The following RAB37 variants were observed in gnomAD, a reference collection of about 807,000 sequenced individuals.
RAB37 encodes RAB37, member RAS oncogene family.
A neutral mutation model predicts 33.1 loss-of-function variants in RAB37; 29 were observed. The observed-to-expected ratio is 0.88, with a 90% CI of 0.65 to 1.20. The LOEUF is 1.20. Ranked by LOEUF, RAB37 falls within the 50% of genes most tolerant of loss-of-function variation. The probability of loss-of-function intolerance (pLI) is 0.00; values close to 1 mark genes in which losing one functional copy is unlikely to be tolerated. For missense variants in RAB37, 299 were observed against 301.1 expected (o/e 0.99, Z 0.05); for synonymous variants, 128 against 119.5 (o/e 1.07, Z -0.47).
chr17:74,726,649 G>A (rs2034311015), intron 1 of RAB37, among the ~76,000 whole-genome samples: 1 of 152,172 alleles, frequency 6.6e-6, no homozygotes. Context: ...AGGTTCAGGA[G>A]GTGGGTGGGG....
upstream of RAB37, among the ~76,000 whole-genome samples, chr17:74,735,881 T>C (rs1029240129): frequency 1.3e-5 from 2 of 152,128 alleles, no homozygotes; most frequent in Non-Finnish European, 2.9e-5. Flanking sequence ...ATAAGCCACG[T>C]CTACCCCTGC....
intron 1 of RAB37, among the ~76,000 whole-genome samples, chr17:74,720,569 T>C (rs2144008794): frequency 6.6e-6 from 1 of 152,270 alleles, no homozygotes; most frequent in South Asian, 2.1e-4. Flanking sequence ...CCAGCCTGTG[T>C]GACAGACTGA....
intron 1 of RAB37, among the ~76,000 whole-genome samples, chr17:74,680,238 G>A (rs1423876930): frequency 1.3e-5 from 2 of 152,044 alleles, no homozygotes; most frequent in African/African-American, 4.8e-5. Flanking sequence ...TAGACAGGCA[G>A]AGGGATAGAG....
At chr17:74,714,062 T>G (rs2034115689) in intron 1 of RAB37, among the ~76,000 whole-genome samples, 1 of 151,502 alleles carries the variant, frequency 6.6e-6, no homozygotes, top group African/African-American at 2.4e-5. Flanking sequence ...AATACAAAAA[T>G]TAGCTGGGCG....
intron 1 of RAB37, among the ~76,000 whole-genome samples, chr17:74,713,899 C>CAAAAA (rs55993385): frequency 3.9e-5 from 2 of 51,206 alleles, no homozygotes; most frequent in Admixed American, 3.1e-4. Flanking sequence ...TTCATCTCCA[C>CAAAAA]AAAAAAAAAA....
chr17:74,712,746 G>T (rs1045059086), intron 1 of RAB37: 13 of 1,470,526 alleles, frequency 8.8e-6, no homozygotes, highest in Non-Finnish European at 1.1e-5. Flanking sequence ...CCTTCTGGCC[G>T]GGTCCCTTCT....
At chr17:74,719,126 A>G (rs1297518962) in intron 1 of RAB37, among the ~76,000 whole-genome samples, 1 of 152,196 alleles carries the variant, frequency 6.6e-6, no homozygotes, top group Non-Finnish European at 1.5e-5. Context: ...CAGCTCTGAA[A>G]TACCTCCAGT....
At chr17:74,743,013 A>G in intron 3 of RAB37, 116 bp from the exon 4 acceptor site, 1 of 879,320 alleles carries the variant, frequency 1.1e-6, no homozygotes, top group Non-Finnish European at 1.8e-6. Flanking sequence ...AACCTAAAGA[A>G]GAAAACAGCC....
chr17:74,720,989 T>C (rs1279263136), intron 1 of RAB37, among the ~76,000 whole-genome samples: 2 of 152,288 alleles, frequency 1.3e-5, no homozygotes, highest in Admixed American at 6.5e-5. Flanking sequence ...CATCTGAAGT[T>C]AAGCCGTGTC....
At chr17:74,707,288 C>T (rs6501732) in intron 1 of RAB37, among the ~76,000 whole-genome samples, 67,547 of 152,070 alleles carry the variant, frequency 0.44, 19,256 homozygotes, top group Non-Finnish European at 0.65. Context: ...AAATCAGTAA[C>T]AAGAAAACAA....
chr17:74,698,278 G>GT, intron 1 of RAB37: 2 of 918,008 alleles, frequency 2.2e-6, no homozygotes, highest in Non-Finnish European at 3.5e-6. Flanking sequence ...TCCTGATTGT[G>GT]TGGGTAATCC....
chr17:74,745,159 T>C lies in RAB37; in HGVS notation c.566+75T>C. 1 of 1,564,980 alleles carries C rather than the reference T, an allele frequency of 6.4e-7. No homozygotes were observed. The highest frequency in any genetic ancestry group is 8.8e-7 in the Non-Finnish European group (1 of 1,137,918). ...CAGGAATCCAGTAGGGCCCGGCCCCTGGCCCAGCCCCTGGACACACCTGCA... is the reference window on the plus strand; with the variant it reads ...CAGGAATCCAGTAGGGCCCGGCCCCCGGCCCAGCCCCTGGACACACCTGCA... On this transcript the variant is annotated intron_variant, in intron 8 of 8. Coordinates refer to ENST00000392613, the MANE Select transcript of RAB37 (RefSeq NM_001006638.3). This position sits in a 1 kb window ranked among gnomAD's most constrained non-coding sequence, Gnocchi z 4.5.
At chr17:74,717,154 A>G (rs894914481) in intron 1 of RAB37, among the ~76,000 whole-genome samples, 1 of 152,184 alleles carries the variant, frequency 6.6e-6, no homozygotes, top group African/African-American at 2.4e-5. Flanking sequence ...AATAAAATGA[A>G]ATAAAACAAA....
At chr17:74,696,659 CG>C (rs1269000380) in intron 1 of RAB37, among the ~76,000 whole-genome samples, 3 of 152,220 alleles carry the variant, frequency 2.0e-5, no homozygotes, top group Non-Finnish European at 4.4e-5. Context: ...CCCGGGCCCC[CG>C]GGGGGCACTT....
chr17:74,735,039 A>AAGAAAGAAAG (rs746320452), upstream of RAB37, among the ~76,000 whole-genome samples: 15 of 145,740 alleles, frequency 1.0e-4, no homozygotes, highest in Non-Finnish European at 2.3e-4. Context: ...GAAAGAAAGA[A>AAGAAAGAAAG]AGAAAGAAAG....
chr17:74,686,867 G>A (rs774516249), intron 1 of RAB37, among the ~76,000 whole-genome samples: 4 of 152,152 alleles, frequency 2.6e-5, no homozygotes, highest in Non-Finnish European at 5.9e-5. Context: ...TAAGTGCACC[G>A]TCTGAATTTC....
chr17:74,694,982 A>G, intron 1 of RAB37: 1 of 1,178,028 alleles, frequency 8.5e-7, no homozygotes, highest in Non-Finnish European at 1.2e-6. Context: ...CTGGCTGATC[A>G]GGCAGAGGCA....
intron 1 of RAB37, among the ~76,000 whole-genome samples, chr17:74,714,495 C>A (rs1393429854): frequency 6.6e-6 from 1 of 151,864 alleles, no homozygotes; most frequent in East Asian, 1.9e-4. Context: ...GGCCCACTGA[C>A]AAGAGGCGCT....
rs190989999 is a variant in RAB37 at position 74,709,043 on chromosome 17, T to C, written c.73-20213T>C. ...ATCGAGACAATCCTGGCCAACATGG[T>C]GAAACCCCGTCTCTACTAAAAATTC... is the stretch of plus-strand genomic sequence containing the variant. On this transcript the variant is annotated intron_variant, in intron 1 of 7. Transcript: ENST00000340415. 4.0e-4 allele frequency among the ~76,000 whole-genome samples: 61 copies of C among 150,776 alleles called. 2 individuals are homozygous for C. The highest frequency in any genetic ancestry group is 3.4e-3 in the Admixed American group (52 of 15,090).
Sources: gnomAD v4.1 joint callset for allele counts (sites outside exome capture counted in the v4.1 genomes callset) on GRCh38, gnomAD v4.1.1 for gene constraint, Gnocchi (gnomAD v3.1) non-coding constraint, MANE v1.5 for transcripts, NCBI Gene and HGNC (gene_info 2026-07-23, HGNC 2026-07-21) for gene names.